Variants in CLEC2A observed in about 807,000 individuals in gnomAD.
CLEC2A encodes C-type lectin domain family 2 member A.
A neutral mutation model predicts 18.6 loss-of-function variants in CLEC2A; 19 were observed. The observed-to-expected ratio is 1.02, with a 90% CI of 0.71 to 1.50. CLEC2A has a LOEUF of 1.50. Among genes scored for constraint, CLEC2A ranks in the 40% most tolerant of loss-of-function variants. CLEC2A has a pLI of 0.00. For synonymous variants in CLEC2A, 74 were observed against 64.0 expected, an observed-to-expected ratio of 1.16 and a Z score of -0.75; for missense variants, 190 against 207.9, an observed-to-expected ratio of 0.91 and a Z score of 0.53.
intron 4 of CLEC2A, 70 bp from the exon 5 acceptor site, chr12:9,913,750 G>A: frequency 1.0e-6 from 1 of 998,794 alleles, no homozygotes; most frequent in Non-Finnish European, 1.5e-6. Flanking sequence ...ATTAATAATA[G>A]AGTGATTTTA....
rs139366735 is a variant in CLEC2A, at chr12:9,903,574, T to C, written c.411-4598A>G. Among the ~76,000 whole-genome samples the C allele has an allele frequency of 1.9e-3, 282 of 152,252 alleles. 3 individuals are homozygous for C. Among genetic ancestry groups the C allele is most frequent in the African/African-American group, 6.4e-3 (265 of 41,560 alleles). On this transcript the variant is annotated intron_variant, in intron 4 of 4. Transcript: ENST00000339766. ...TTAGGTATAAAAGTAGAATATTGAG[T>C]TCCAATCATGACACAGACCTCACCC... is the stretch of plus-strand genomic sequence containing the variant.
chr12:9,923,537 A>G (rs1434783676), intron 2 of CLEC2A, among the ~76,000 whole-genome samples: 1 of 152,144 alleles, frequency 6.6e-6, no homozygotes, highest in Admixed American at 6.5e-5. Context: ...TCAGGGATCT[A>G]GAACTAGAAA....
downstream of CLEC2A, among the ~76,000 whole-genome samples, chr12:9,911,175 G>C (rs1408685975): frequency 6.6e-6 from 1 of 152,160 alleles, no homozygotes; most frequent in African/African-American, 2.4e-5. Flanking sequence ...ATGAGTGATG[G>C]GGGAGAAGGA....
intron 2 of CLEC2A, among the ~76,000 whole-genome samples, chr12:9,924,510 A>C (rs568218029): frequency 6.6e-6 from 1 of 152,120 alleles, no homozygotes; most frequent in Non-Finnish European, 1.5e-5. Flanking sequence ...TACTTAGCCA[A>C]ATATAAGTGC....
At chr12:9,910,844 C>G (rs1862974272), downstream of CLEC2A, among the ~76,000 whole-genome samples, 1 of 152,134 alleles carries the variant, frequency 6.6e-6, no homozygotes, top group African/African-American at 2.4e-5. Context: ...TGTGACGCAT[C>G]TCCTCATGGG....
the CLEC2A span, among the ~76,000 whole-genome samples, chr12:9,885,711 A>C: frequency 5.3e-5 from 8 of 152,154 alleles, no homozygotes; most frequent in East Asian, 1.5e-3. Flanking sequence ...GACTTTTCTC[A>C]GACCAAAGAT....
At chr12:9,905,170 C>T (rs372072108) in intron 4 of CLEC2A, among the ~76,000 whole-genome samples, 2 of 152,126 alleles carry the variant, frequency 1.3e-5, no homozygotes, top group Middle Eastern at 3.2e-3. Flanking sequence ...GAGGGTAGGC[C>T]GTAGGATAAC....
chr12:9,923,945 G>A (rs892387820), intron 2 of CLEC2A, among the ~76,000 whole-genome samples: 1 of 151,740 alleles, frequency 6.6e-6, no homozygotes, highest in Non-Finnish European at 1.5e-5. Context: ...GGGGAGTGGG[G>A]AGGGATAGCC....
chr12:9,896,092 T>C (rs1019167641), downstream of CLEC2A, among the ~76,000 whole-genome samples: 1 of 152,220 alleles, frequency 6.6e-6, no homozygotes, highest in African/African-American at 2.4e-5. Flanking sequence ...ATTTTAATAG[T>C]TATTTAATAG....
At chr12:9,895,735 A>T (rs771479152), downstream of CLEC2A, 392 of 1,535,860 alleles carry the variant, frequency 2.6e-4, no homozygotes, top group Non-Finnish European at 3.1e-4. Flanking sequence ...TGCCGTTATC[A>T]CAGGAAACTG....
chr12:9,906,020 G>GTTTTTTT (rs367651590), intron 4 of CLEC2A, among the ~76,000 whole-genome samples: 5 of 83,092 alleles, frequency 6.0e-5, no homozygotes, highest in Non-Finnish European at 5.1e-5. Flanking sequence ...CCACTTATTA[G>GTTTTTTT]TTTTGTTTTT....
intron 4 of CLEC2A, among the ~76,000 whole-genome samples, chr12:9,902,534 G>A (rs1002456910): frequency 2.0e-5 from 3 of 151,774 alleles, no homozygotes; most frequent in Non-Finnish European, 4.4e-5. Flanking sequence ...CGCCCAGCTG[G>A]TTTGCCTTTT....
intron 4 of CLEC2A, among the ~76,000 whole-genome samples, chr12:9,901,694 A>G (rs1380324458): frequency 6.6e-6 from 1 of 152,204 alleles, no homozygotes; most frequent in Non-Finnish European, 1.5e-5. Flanking sequence ...GATTTTGGGA[A>G]GGCTGTCAAA....
chr12:9,888,883 C>A, the CLEC2A span: 1 of 617,450 alleles, frequency 1.6e-6, no homozygotes, highest in Non-Finnish European at 2.9e-6. Flanking sequence ...GCCAACAGCA[C>A]TGGTGGAGAA....
chr12:9,893,190 C>A, the CLEC2A span: 1 of 1,521,202 alleles, frequency 6.6e-7, no homozygotes, highest in South Asian at 1.2e-5. Context: ...AAAACAGGAT[C>A]TAACTGCACA....
At chr12:9,884,880 G>A in the CLEC2A span, 1 of 569,528 alleles carries the variant, frequency 1.8e-6, no homozygotes, top group Non-Finnish European at 2.8e-6. Flanking sequence ...AAATGAAACA[G>A]AAAAATATTT....
chr12:9,888,267 G>A, the CLEC2A span, among the ~76,000 whole-genome samples: 2 of 151,828 alleles, frequency 1.3e-5, no homozygotes, highest in East Asian at 1.9e-4. Context: ...GAGGCGGGCG[G>A]ATCACGAGGT....
downstream of CLEC2A, chr12:9,895,726 G>T (rs1193785434): frequency 2.6e-6 from 4 of 1,535,550 alleles, no homozygotes; most frequent in East Asian, 9.8e-5. Flanking sequence ...CAGGAGCTGT[G>T]CCGTTATCAC....
the CLEC2A span, among the ~76,000 whole-genome samples, chr12:9,889,720 G>T: frequency 2.0e-5 from 3 of 151,548 alleles, no homozygotes; most frequent in South Asian, 2.1e-4. Flanking sequence ...AAATGCCATT[G>T]GTTGTGGCTA....
Sources: allele counts gnomAD v4.1 joint callset (sites outside exome capture counted in the v4.1 genomes callset), GRCh38; gene constraint gnomAD v4.1.1; transcripts MANE v1.5; gene names NCBI Gene and HGNC (gene_info 2026-07-23, HGNC 2026-07-21).